The following NRDC variants were observed in gnomAD, a reference collection of about 807,000 sequenced individuals.
NRDC encodes nardilysin.
NRDC carries 54 observed loss-of-function variants against 147.1 expected under a neutral mutation model. The ratio of observed to expected loss-of-function variants is 0.37; its 90% confidence interval spans 0.29 to 0.46. The LOEUF (loss-of-function observed/expected upper bound fraction) is 0.46, where lower values mean the gene tolerates loss of function less well. Among genes scored for constraint, NRDC ranks in the 20% least tolerant of loss-of-function variants. NRDC has a pLI of 1.00. For synonymous variants in NRDC, 440 were observed against 482.1 expected (o/e 0.91, Z 1.14); for missense variants, 1,082 against 1,370.6 (o/e 0.79, Z 3.33).
chr1:51,821,578 G>A (rs755740899), intron 7 of NRDC, 23 bp from the exon 8 acceptor site: 14 of 1,538,948 alleles, frequency 9.1e-6, no homozygotes, highest in Non-Finnish European at 1.3e-5. Context: ...GGGCAGGGAA[G>A]AGACAGGAAA....
Position 51,814,627 on chromosome 1 carries a change from A to G in NRDC, c.1561-18T>C. 2 of 1,611,724 alleles carry G rather than the reference A, an allele frequency of 1.2e-6. No homozygotes were observed. Among genetic ancestry groups the G allele is most frequent in the Non-Finnish European group, 1.7e-6 (2 of 1,178,216 alleles). ...TAAGCAACCTGAAAACAAAACATCC[A>G]ATTAGTCTTTTGCATAAAGTGATAT... is the stretch of plus-strand genomic sequence containing the variant. On this transcript the variant is annotated intron_variant, in intron 12 of 30. Coordinates refer to ENST00000352171, the MANE Select transcript of NRDC (RefSeq NM_001101662.2).
At chr1:51,837,609 G>T (rs1571885982) in intron 2 of NRDC, 1 of 1,528,742 alleles carries the variant, frequency 6.5e-7, no homozygotes, top group Non-Finnish European at 8.9e-7. Context: ...GCAAAAACAG[G>T]CTCTGCAATT....
At chr1:51,790,284 A>G (rs969062436) in intron 29 of NRDC, among the ~76,000 whole-genome samples, 1 of 152,208 alleles carries the variant, frequency 6.6e-6, no homozygotes, top group African/African-American at 2.4e-5. Flanking sequence ...ACCTCAATAT[A>G]TAGCATAAAA....
rs544431640 is a variant in NRDC at position 51,878,163 on chromosome 1, G to A, written c.341+112C>T. The stretch of plus-strand genomic sequence containing the variant: ...CTCCACCCAAGGAAGCATTTGGGGT[G>A]GAAAGTGTGCCCTGTTGCTCCATTG... On this transcript the variant is annotated intron_variant, in intron 1 of 30. Transcript: ENST00000352171. 1.6e-3 allele frequency: 2,349 copies of A among 1,441,546 alleles called. 5 individuals carry two copies. The highest frequency in any genetic ancestry group is 2.2e-3 in the South Asian group (158 of 72,562). The allele number at this position is 1,441,546 out of a possible 1,614,324, so 89.3% of individuals were successfully genotyped here. A position where few individuals can be genotyped will look rare whatever the true frequency, so the allele number is the denominator to read the frequency against.
intron 2 of NRDC, among the ~76,000 whole-genome samples, chr1:51,837,198 C>T (rs1219345723): frequency 6.6e-6 from 1 of 152,122 alleles, no homozygotes; most frequent in African/African-American, 2.4e-5. Context: ...TTTCTTCAAA[C>T]TTTTGTAAAT....
At position 51,800,470 on chromosome 1, in the gene NRDC, C is replaced by CTATA. The variant is rs1487937295; in HGVS notation, c.2441+82_2441+85dup. On this transcript the variant is annotated intron_variant, in intron 21 of 30. Transcript: ENST00000352171. ...ACACGGATGAAAATTAGCACTGCAA[C>CTATA]TATAGCCTTAACCCCCACACCCACC... 8.3e-6 allele frequency: 12 copies of CTATA among 1,447,456 alleles called. No homozygotes were observed. In the Admixed American group the frequency reaches 1.9e-4, roughly 23 times the overall value. The allele number at this position is 1,447,456 out of a possible 1,614,324, so 89.7% of individuals were successfully genotyped here. A position where few individuals can be genotyped will look rare whatever the true frequency, so the allele number is the denominator to read the frequency against.
At chr1:51,858,252 G>A (rs1264715236) in intron 1 of NRDC, among the ~76,000 whole-genome samples, 8 of 152,132 alleles carry the variant, frequency 5.3e-5, no homozygotes, top group Non-Finnish European at 1.2e-4. Context: ...GATCAAAGCA[G>A]GAAGATCGCT....
Position 51,809,412 on chromosome 1 carries a change from GA to G in NRDC, c.1904-12del. ...AAGAGTTTTCAATATCTGTAAAGGA[GA>G]AAAATAAACTGACCCAATAAACAAT... On this transcript the variant is annotated splice_polypyrimidine_tract_variant and intron_variant, in intron 16 of 30. Transcript: ENST00000352171. 1 of 1,570,696 alleles carries G rather than the reference GA, an allele frequency of 6.4e-7. No individual in the cohort carries two copies.
intron 13 of NRDC, 43 bp from the exon 14 acceptor site, chr1:51,814,132 C>T: frequency 7.5e-7 from 1 of 1,333,152 alleles, no homozygotes; most frequent in Non-Finnish European, 1.1e-6. Context: ...ATTAAAATTT[C>T]TGCCTACTTG....
intron 1 of NRDC, among the ~76,000 whole-genome samples, chr1:51,856,037 A>G (rs931282559): frequency 6.6e-6 from 1 of 152,210 alleles, no homozygotes; most frequent in Non-Finnish European, 1.5e-5. Context: ...AACAATTGCT[A>G]TCCAGTGCTG....
rs761641096 is a variant in NRDC at position 51,789,267 on chromosome 1, T to C, written c.3425A>G (p.Asn1142Ser). 1.7e-5 allele frequency: 28 copies of C among 1,613,958 alleles called. No individual in the cohort carries two copies. The highest frequency in any genetic ancestry group is 2.2e-5 in the Non-Finnish European group (26 of 1,179,990). The change falls in exon 31 of 31, where the codon AAC (asparagine) becomes AGC (serine). Residue 1142 changes from asparagine to serine, a missense_variant. Physicochemically the swap from Asn to Ser is conservative, Grantham distance 46. This residue lies in a region of NRDC where 187 missense variants were observed against 193.6 expected (regional missense o/e 0.97). Coordinates refer to ENST00000352171, the MANE Select transcript of NRDC (RefSeq NM_001101662.2). ...TDIRAFTTTLNLLPYHKIVK is the reference protein window; with the variant it reads ...TDIRAFTTTLSLLPYHKIVK ...GACTATTTTATGGTAGGGGAGAAGGTTGAGTGTTGTTGTGAAAGCCCTGAT... is the reference window on the plus strand; with the variant it reads ...GACTATTTTATGGTAGGGGAGAAGGCTGAGTGTTGTTGTGAAAGCCCTGAT...
chr1:51,866,400 A>G (rs1398213047), intron 1 of NRDC, among the ~76,000 whole-genome samples: 1 of 152,214 alleles, frequency 6.6e-6, no homozygotes, highest in Non-Finnish European at 1.5e-5. Context: ...CATTTCACTT[A>G]TAGGTATCAT....
chr1:51,816,644 A>T lies in NRDC; in HGVS notation c.1362-255T>A, dbSNP rs188915843. On this transcript the variant is annotated intron_variant, in intron 10 of 30. Transcript: ENST00000352171. ...TTAAGGGCACTACTTTTTCTCTTGG[A>T]CACCAAACTTATCTGCTCTCATGAT... is the stretch of plus-strand genomic sequence containing the variant. Among the ~76,000 whole-genome samples the T allele has an allele frequency of 4.1e-3, 621 of 152,334 alleles. 14 individuals carry two copies. Among genetic ancestry groups the T allele is most frequent in the Admixed American group, 0.038 (583 of 15,296 alleles).
intron 1 of NRDC, among the ~76,000 whole-genome samples, chr1:51,841,287 C>G (rs1681253428): frequency 6.6e-6 from 1 of 152,068 alleles, no homozygotes. Context: ...TATTACAGAC[C>G]ACTCCCATTT....
chr1:51,846,452 T>A (rs1336175531), intron 1 of NRDC, among the ~76,000 whole-genome samples: 1 of 152,214 alleles, frequency 6.6e-6, no homozygotes, highest in African/African-American at 2.4e-5. Context: ...ACTCTTTTTG[T>A]GTCTGGAATT....
chr1:51,819,760 A>G (rs1387672415), intron 9 of NRDC, 40 bp downstream of exon 9: 2 of 1,480,874 alleles, frequency 1.4e-6, no homozygotes, highest in African/African-American at 2.8e-5. Context: ...AGAATGTGCT[A>G]ACATTATTTC....
chr1:51,865,018 A>C (rs1161831640), intron 1 of NRDC, among the ~76,000 whole-genome samples: 2 of 152,048 alleles, frequency 1.3e-5, no homozygotes, highest in Non-Finnish European at 2.9e-5. Flanking sequence ...ATAAGATACA[A>C]AAAGTGCAAA....
chr1:51,814,630 T>A (rs1262403361), intron 12 of NRDC, 21 bp from the exon 13 acceptor site: 1 of 1,611,552 alleles, frequency 6.2e-7, no homozygotes, highest in South Asian at 1.1e-5. Flanking sequence ...AACATCCAAT[T>A]AGTCTTTTGC....
At chr1:51,875,287 G>A (rs1420898369) in intron 1 of NRDC, among the ~76,000 whole-genome samples, 1 of 152,174 alleles carries the variant, frequency 6.6e-6, no homozygotes, top group Non-Finnish European at 1.5e-5. Context: ...TGGAAGAACT[G>A]CTCTTCTGAA....
Sources: gnomAD v4.1 joint callset for allele counts (sites outside exome capture counted in the v4.1 genomes callset) on GRCh38, gnomAD v4.1.1 for gene constraint, gnomAD v4.1.1 regional missense constraint, MANE v1.5 for transcripts, NCBI Gene and HGNC (gene_info 2026-07-23, HGNC 2026-07-21) for gene names.